The following STS variants were observed in gnomAD, a reference collection of about 807,000 sequenced individuals.
STS encodes steryl-sulfatase.
STS carries 7 observed loss-of-function variants against 26.8 expected under a neutral mutation model. The ratio of observed to expected loss-of-function variants is 0.26; its 90% CI spans 0.15 to 0.49. The LOEUF (loss-of-function observed/expected upper bound fraction) is 0.49, where lower values mean the gene tolerates loss of function less well. STS is among the 20% of genes least tolerant of loss of function. STS has a pLI of 0.98. For synonymous variants in STS, 199 were observed against 189.4 expected (o/e 1.05, Z -0.42); for missense variants, 434 against 465.6 (o/e 0.93, Z 0.63).
intron 10 of STS, among the ~76,000 whole-genome samples, chrX:7,349,188 T>G (rs2147195466): frequency 9.7e-6 from 1 of 103,011 alleles, no homozygotes; most frequent in Non-Finnish European, 2.0e-5. Context: ...AGATGGGCTT[T>G]AACTGTGTTG....
At chrX:7,235,568 C>T (rs1922277285) in intron 2 of STS, among the ~76,000 whole-genome samples, 1 of 111,698 alleles carries the variant, frequency 9.0e-6, no homozygotes, top group Non-Finnish European at 1.9e-5. Context: ...CCCAGGAGTT[C>T]AGGACCAGCC....
chrX:7,299,704 C>T (rs1184719632), intron 7 of STS, among the ~76,000 whole-genome samples: 2 of 110,685 alleles, frequency 1.8e-5, no homozygotes, highest in Non-Finnish European at 3.8e-5. Context: ...AGTTAAGGAA[C>T]AGTGAGCACT....
chrX:7,151,984 A>G (rs1055067878), intron 1 of STS, among the ~76,000 whole-genome samples: 15 of 109,528 alleles, frequency 1.4e-4, no homozygotes, highest in Non-Finnish European at 2.9e-4. Context: ...ATGGAGTCTC[A>G]CTCTTTCGCC....
At position 7,350,000 on chromosome X, in the gene STS, C is replaced by T. The variant is rs150156359; in HGVS notation, c.1476C>T (p.His492=). ...CFCFGSYVTH[H]DPPLLFDISK... is the part of the protein sequence containing the mutation. ...GTTTCGGGAGTTATGTCACCCATCA[C>T]GACCCACCTTTACTCTTTGATATTT... The change falls in exon 11 of 11, where the codon CAC becomes CAT. Residue 492 remains histidine, a synonymous_variant. Transcript: ENST00000674429. 1,279 of 1,210,142 alleles carry T rather than the reference C, an allele frequency of 1.1e-3. No individual in the cohort carries two copies. Among genetic ancestry groups the T allele is most frequent in the Non-Finnish European group, 1.4e-3 (1,215 of 895,232 alleles).
intron 1 of STS, among the ~76,000 whole-genome samples, chrX:7,161,011 A>G (rs1933230790): frequency 9.0e-6 from 1 of 111,435 alleles, no homozygotes; most frequent in Non-Finnish European, 1.9e-5. Context: ...GCTAGAGTGC[A>G]GTGGTGCGAT....
intron 2 of STS, among the ~76,000 whole-genome samples, chrX:7,247,701 G>A (rs1225173272): frequency 8.9e-6 from 1 of 111,786 alleles, no homozygotes; most frequent in African/African-American, 3.3e-5. Flanking sequence ...ATGGCTGGTA[G>A]AGTCTGGAGA....
At chrX:7,205,675 G>C (rs1327814014) in intron 2 of STS, among the ~76,000 whole-genome samples, 1 of 69,114 alleles carries the variant, frequency 1.4e-5, no homozygotes, top group Non-Finnish European at 2.6e-5. Flanking sequence ...TTCTTGCTCT[G>C]TTGCAAGAGC....
chrX:7,286,221 G>A (rs1246433847), intron 7 of STS, among the ~76,000 whole-genome samples: 1 of 111,258 alleles, frequency 9.0e-6, no homozygotes, highest in Admixed American at 9.7e-5. Context: ...TAAAAAATGA[G>A]TCTGTGAAAT....
intron 2 of STS, among the ~76,000 whole-genome samples, chrX:7,201,372 C>T (rs1196878057): frequency 6.3e-5 from 7 of 111,851 alleles, no homozygotes; most frequent in Non-Finnish European, 1.1e-4. Flanking sequence ...AATATCACTC[C>T]TTCAAGATTG....
At position 7,351,489 on chromosome X, in the gene STS, A is replaced by T; in HGVS notation, c.*1228A>T. 1 of 111,985 alleles carries T rather than the reference A, an allele frequency of 8.9e-6. No homozygotes were observed. The allele number at this position is 111,985 out of a possible 1,213,427, so 9.2% of individuals were successfully genotyped here. A position where few individuals can be genotyped will look rare whatever the true frequency, so the allele number is the denominator to read the frequency against. On this transcript the variant is annotated 3_prime_UTR_variant, in exon 11 of 11. Coordinates refer to ENST00000674429, the MANE Select transcript of STS (RefSeq NM_001320752.2). ...GCCTCGTAGTGGCACAGCTGGAGATAGTTTCAAAGTCTAAACCACCAGCCC... is the reference window on the plus strand; with the variant it reads ...GCCTCGTAGTGGCACAGCTGGAGATTGTTTCAAAGTCTAAACCACCAGCCC...
At chrX:7,259,253 C>T in intron 5 of STS, 96 bp from the exon 6 acceptor site, 1 of 929,472 alleles carries the variant, frequency 1.1e-6, no homozygotes, top group Non-Finnish European at 1.6e-6. Flanking sequence ...ATGAAATAGT[C>T]AGAAAGAACC....
intron 8 of STS, among the ~76,000 whole-genome samples, chrX:7,311,774 C>CAGGAG (rs1224340082): frequency 8.9e-6 from 1 of 112,253 alleles, no homozygotes; most frequent in African/African-American, 3.2e-5. Context: ...CACTTGAGCC[C>CAGGAG]AGGAGTTTGA....
intron 1 of STS, among the ~76,000 whole-genome samples, chrX:7,171,806 A>G (rs1171746428): frequency 8.9e-6 from 1 of 112,099 alleles, no homozygotes; most frequent in African/African-American, 3.2e-5. Context: ...GGATCAGTAT[A>G]GTGACTCTTA....
chrX:7,325,198 G>T, intron 8 of STS, 141 bp from the exon 9 acceptor site: 1 of 614,883 alleles, frequency 1.6e-6, no homozygotes, highest in Non-Finnish European at 2.7e-6. Context: ...ATACTATATT[G>T]CTCATGGAAT....
Position 7,272,217 on chromosome X carries a change from C to CATATATATATATATATAT in STS, c.807-3733_807-3716dup, listed in dbSNP as rs372911748. Among the ~76,000 whole-genome samples the CATATATATATATATATAT allele has an allele frequency of 4.4e-3, 409 of 94,006 alleles. 2 individuals are homozygous for CATATATATATATATATAT. The highest frequency in any genetic ancestry group is 6.4e-3 in the South Asian group (12 of 1,888). The allele number at this position is 94,006 out of a possible 115,157, so 81.6% of individuals were successfully genotyped here. On this transcript the variant is annotated intron_variant, in intron 6 of 10. Transcript: ENST00000674429. ...CATAGAAGAAAAATTAATTTAATTA[C>CATATATATATATATATAT]ATATATATATATATATATGTAGTCT... is the stretch of plus-strand genomic sequence containing the variant.
At chrX:7,214,374 C>T (rs1921153084) in intron 2 of STS, among the ~76,000 whole-genome samples, 1 of 111,695 alleles carries the variant, frequency 9.0e-6, no homozygotes, top group Non-Finnish European at 1.9e-5. Flanking sequence ...GCCTTATTGT[C>T]TCTGATTAAT....
chrX:7,246,541 C>T (rs181371617), intron 2 of STS, among the ~76,000 whole-genome samples: 53 of 110,702 alleles, frequency 4.8e-4, no homozygotes, highest in Non-Finnish European at 7.8e-4. Flanking sequence ...CTCCTGACAT[C>T]GTGATCCGCC....
At chrX:7,167,497 T>A (rs1487303352) in intron 1 of STS, among the ~76,000 whole-genome samples, 5 of 112,071 alleles carry the variant, frequency 4.5e-5, no homozygotes, top group Admixed American at 1.9e-4. Flanking sequence ...ATTACATGTG[T>A]GAGCCACCGC....
At chrX:7,200,954 G>GTGGA (rs201826140) in intron 2 of STS, among the ~76,000 whole-genome samples, 27,571 of 107,290 alleles carry the variant, frequency 0.26, 2,980 homozygotes, top group Admixed American at 0.39. Context: ...GGTTAGATGG[G>GTGGA]TGGATGGATG....
Sources: allele counts gnomAD v4.1 joint callset (sites outside exome capture counted in the v4.1 genomes callset), GRCh38; gene constraint gnomAD v4.1.1; transcripts MANE v1.5; gene names NCBI Gene and HGNC (gene_info 2026-07-23, HGNC 2026-07-21).